Variants in PDS5B observed in about 807,000 individuals in gnomAD.
PDS5B encodes PDS5 cohesin associated factor B.
A neutral mutation model predicts 184.1 loss-of-function variants in PDS5B; 51 were observed. The observed-to-expected ratio is 0.28, with a 90% CI of 0.22 to 0.35. PDS5B has a LOEUF of 0.35. Ranked by LOEUF, PDS5B falls within the 10% of genes least tolerant of loss-of-function variation. The probability of loss-of-function intolerance (pLI) is 1.00; values close to 1 mark genes in which losing one functional copy is unlikely to be tolerated. For synonymous variants in PDS5B, 566 were observed against 569.2 expected (o/e 0.99, Z 0.08); for missense variants, 1,180 against 1,723.3 (o/e 0.68, Z 5.58).
At chr13:32,594,057 TA>T (rs2057818468) in intron 1 of PDS5B, among the ~76,000 whole-genome samples, 1 of 152,230 alleles carries the variant, frequency 6.6e-6, no homozygotes, top group African/African-American at 2.4e-5. Context: ...ATTTGATCAT[TA>T]CACATTGTAT....
At chr13:32,673,541 C>T (rs1478395378) in intron 8 of PDS5B, among the ~76,000 whole-genome samples, 185 bp downstream of exon 8, 9 of 152,154 alleles carry the variant, frequency 5.9e-5, no homozygotes, top group Non-Finnish European at 1.5e-5. Flanking sequence ...AGGTGCCTAG[C>T]AGATAGTAAC....
chr13:32,668,600 A>T (rs986881049), intron 7 of PDS5B, among the ~76,000 whole-genome samples: 12 of 152,310 alleles, frequency 7.9e-5, no homozygotes, highest in Admixed American at 7.8e-4. Context: ...TGTAGAGTAC[A>T]GTGTTAATGG....
chr13:32,764,727 C>T (rs895144899), intron 31 of PDS5B, 133 bp downstream of exon 31: 31 of 485,918 alleles, frequency 6.4e-5, no homozygotes, highest in Non-Finnish European at 9.7e-5. Flanking sequence ...TAACCACAAA[C>T]CTGAGTTTAT....
chr13:32,706,340 G>A (rs1339132724), intron 17 of PDS5B, among the ~76,000 whole-genome samples: 1 of 151,372 alleles, frequency 6.6e-6, no homozygotes, highest in Non-Finnish European at 1.5e-5. Flanking sequence ...ACATAAGCTT[G>A]TTTTTATTAG....
At chr13:32,593,592 T>C (rs1325362112) in intron 1 of PDS5B, among the ~76,000 whole-genome samples, 1 of 152,198 alleles carries the variant, frequency 6.6e-6, no homozygotes, top group Non-Finnish European at 1.5e-5. Flanking sequence ...CCGCCCGCCT[T>C]GGCCTCCCAA....
chr13:32,664,559 A>G (rs57771604), intron 6 of PDS5B, among the ~76,000 whole-genome samples: 1,584 of 152,312 alleles, frequency 0.01, 39 homozygotes, highest in African/African-American at 0.036. Context: ...CTGATCAATA[A>G]TTCAATCAAA....
intron 1 of PDS5B, among the ~76,000 whole-genome samples, chr13:32,588,720 G>A (rs906593757): frequency 6.6e-6 from 1 of 152,216 alleles, no homozygotes; most frequent in Non-Finnish European, 1.5e-5. Flanking sequence ...GTTGTTAGGA[G>A]ATGTTTGTAT....
At chr13:32,612,436 A>T (rs575340228) in intron 1 of PDS5B, among the ~76,000 whole-genome samples, 13 of 152,332 alleles carry the variant, frequency 8.5e-5, no homozygotes, top group African/African-American at 3.1e-4. Context: ...CTAATTTAAA[A>T]GCTGAACAGC....
chr13:32,591,624 A>G (rs1419948285), intron 1 of PDS5B, among the ~76,000 whole-genome samples: 1 of 152,192 alleles, frequency 6.6e-6, no homozygotes, highest in African/African-American at 2.4e-5. Context: ...TGTGACATGT[A>G]TTTACCAACA....
chr13:32,613,358 A>G (rs1459502411), intron 1 of PDS5B, among the ~76,000 whole-genome samples: 1 of 152,218 alleles, frequency 6.6e-6, no homozygotes, highest in Non-Finnish European at 1.5e-5. Context: ...TCCCTCCAGC[A>G]GTGCATGAGC....
chr13:32,609,343 CAG>C (rs1445560904), intron 1 of PDS5B, among the ~76,000 whole-genome samples: 2 of 151,990 alleles, frequency 1.3e-5, no homozygotes, highest in Non-Finnish European at 2.9e-5. Context: ...TAATTATATA[CAG>C]AGATTTTTTT....
Position 32,776,487 on chromosome 13 carries a change from A to G in PDS5B, c.*1435A>G, listed in dbSNP as rs1474517481. On this transcript the variant is annotated 3_prime_UTR_variant, in exon 35 of 35. Coordinates refer to ENST00000315596, the MANE Select transcript of PDS5B (RefSeq NM_015032.4). The stretch of plus-strand genomic sequence containing the variant: ...TTACTTAAGGCAGTATCCTTTATAC[A>G]GTTGTATAAACTGTATTTTGAACCA... The G allele has an allele frequency of 3.9e-5, 6 of 152,054 alleles. No homozygotes were observed. Among genetic ancestry groups the G allele is most frequent in the Non-Finnish European group, 8.8e-5 (6 of 67,936 alleles). The allele number at this position is 152,054 out of a possible 1,614,324, so 9.4% of individuals were successfully genotyped here.
rs141677865 is a variant in PDS5B at position 32,777,298 on chromosome 13, T to A, written c.*2246T>A. 16 of 151,738 alleles carry A rather than the reference T, an allele frequency of 1.1e-4. No homozygotes were observed. Among genetic ancestry groups the A allele is most frequent in the African/African-American group, 3.9e-4 (16 of 41,282 alleles). 9.4% of individuals were successfully genotyped at this position (151,738 alleles called of 1,614,324 possible). On this transcript the variant is annotated 3_prime_UTR_variant, in exon 35 of 35. Coordinates refer to ENST00000315596, the MANE Select transcript of PDS5B (RefSeq NM_015032.4). ...CCAATGAGTCTGTAATTTTACGACC[T>A]GTCTGTTCTTTTTTTGGGTGGATTA...
intron 19 of PDS5B, among the ~76,000 whole-genome samples, chr13:32,724,361 TTCC>T (rs1477800641): frequency 6.6e-6 from 1 of 152,102 alleles, no homozygotes; most frequent in Non-Finnish European, 1.5e-5. Context: ...CAAGCCACCC[TTCC>T]TCCTCAAAAA....
intron 19 of PDS5B, among the ~76,000 whole-genome samples, chr13:32,711,497 A>G (rs914015575): frequency 1.4e-4 from 22 of 152,200 alleles, no homozygotes; most frequent in Non-Finnish European, 1.2e-4. Flanking sequence ...AGCTGGAATT[A>G]CAGGCCTGCA....
At chr13:32,723,420 A>T (rs1196472288) in intron 19 of PDS5B, among the ~76,000 whole-genome samples, 1 of 151,468 alleles carries the variant, frequency 6.6e-6, no homozygotes, top group Non-Finnish European at 1.5e-5. Flanking sequence ...ATCAAGGAAA[A>T]AACTTGAACT....
chr13:32,727,386 C>A (rs1952942825), intron 19 of PDS5B, among the ~76,000 whole-genome samples: 2 of 151,974 alleles, frequency 1.3e-5, no homozygotes, highest in Admixed American at 1.3e-4. Flanking sequence ...ACATAATAAC[C>A]ATTTCTGTCA....
At chr13:32,750,452 G>C (rs1469595376) in intron 24 of PDS5B, among the ~76,000 whole-genome samples, 1 of 152,170 alleles carries the variant, frequency 6.6e-6, no homozygotes, top group Non-Finnish European at 1.5e-5. Flanking sequence ...GGCGGGGTGA[G>C]TTAATGTTAA....
rs564102967 is a variant in PDS5B at position 32,777,542 on chromosome 13, A to G, written c.*2490A>G. 7.5e-4 allele frequency: 114 copies of G among 152,354 alleles called. No individual in the cohort carries two copies. Among genetic ancestry groups the G allele is most frequent in the Non-Finnish European group, 4.4e-4 (30 of 67,774 alleles). 9.4% of individuals were successfully genotyped at this position (152,354 alleles called of 1,614,324 possible). ...AATTGCTAACAATTGTTAGCAAACTATTTCAGTGATAATGTTCATTTTGAA... is the reference window on the plus strand; with the variant it reads ...AATTGCTAACAATTGTTAGCAAACTGTTTCAGTGATAATGTTCATTTTGAA... On this transcript the variant is annotated 3_prime_UTR_variant, in exon 35 of 35. Transcript: ENST00000315596.
Sources: gnomAD v4.1 joint callset for allele counts (sites outside exome capture counted in the v4.1 genomes callset) on GRCh38, gnomAD v4.1.1 for gene constraint, MANE v1.5 for transcripts, NCBI Gene and HGNC (gene_info 2026-07-23, HGNC 2026-07-21) for gene names.